The following MFAP5 variants were observed in gnomAD, a reference collection of about 807,000 sequenced individuals.
MFAP5 encodes the protein microfibril associated protein 5, also known as microfibrillar-associated protein 5.
In MFAP5, 19 loss-of-function variants were observed where a neutral mutation model predicts 30.1. The observed-to-expected ratio is 0.63, with a 90% CI of 0.44 to 0.93. MFAP5 has a LOEUF of 0.93. Among genes scored for constraint, MFAP5 ranks in the 40% least tolerant of loss-of-function variants. The pLI, the probability that MFAP5 is intolerant of heterozygous loss-of-function variation, is 0.00. For synonymous variants in MFAP5, 92 were observed against 72.9 expected (o/e 1.26, Z -1.33); for missense variants, 210 against 221.3 (o/e 0.95, Z 0.32).
rs1455909532 is a variant in MFAP5, at chr12:8,660,912, A to G, written c.59-14T>C. On this transcript the variant is annotated splice_polypyrimidine_tract_variant and intron_variant, in intron 2 of 9. Coordinates refer to ENST00000359478, the MANE Select transcript of MFAP5 (RefSeq NM_003480.4). The stretch of plus-strand genomic sequence containing the variant: ...GGGGTATCCAGTCTATAGCAAAGGA[A>G]GAGAAAAGAGATGTGAGTGACTGCA... 5.8e-5 allele frequency: 94 copies of G among 1,607,048 alleles called. No homozygotes were observed. The highest frequency in any genetic ancestry group is 8.0e-5 in the Non-Finnish European group (94 of 1,174,226).
chr12:8,650,904 T>C (rs771201537), intron 7 of MFAP5, among the ~76,000 whole-genome samples: 84 of 152,300 alleles, frequency 5.5e-4, no homozygotes, highest in African/African-American at 1.9e-3. Flanking sequence ...CGGTGGCTCA[T>C]GCTTGTAATT....
chr12:8,653,645 C>G (rs1023928535), intron 6 of MFAP5, among the ~76,000 whole-genome samples: 1 of 152,176 alleles, frequency 6.6e-6, no homozygotes, highest in Non-Finnish European at 1.5e-5. Flanking sequence ...CCCCCAGCAC[C>G]GAACCTAGTC....
chr12:8,657,322 G>A (rs1591573862), intron 3 of MFAP5, among the ~76,000 whole-genome samples: 2 of 152,134 alleles, frequency 1.3e-5, no homozygotes, highest in East Asian at 3.9e-4. Flanking sequence ...TGGAGGCTGA[G>A]GCAGGAGAAT....
At chr12:8,655,337 G>T in intron 5 of MFAP5, 78 bp downstream of exon 5, 1 of 1,249,096 alleles carries the variant, frequency 8.0e-7, no homozygotes, top group Non-Finnish European at 1.1e-6. Flanking sequence ...AGCACAGAAT[G>T]AATTCAAGAG....
intron 7 of MFAP5, among the ~76,000 whole-genome samples, chr12:8,651,097 G>A (rs1941826437): frequency 6.6e-6 from 1 of 152,090 alleles, no homozygotes; most frequent in Non-Finnish European, 1.5e-5. Flanking sequence ...AACCTGGGAG[G>A]CGGAGGTTGC....
chr12:8,649,669 T>A, intron 8 of MFAP5, 95 bp from the exon 9 acceptor site: 1 of 869,674 alleles, frequency 1.1e-6, no homozygotes, highest in African/African-American at 1.7e-5. Context: ...TCAACTCTCA[T>A]ATTCCCCACT....
intron 9 of MFAP5, among the ~76,000 whole-genome samples, chr12:8,648,979 A>G (rs932295006): frequency 6.6e-5 from 10 of 152,198 alleles, no homozygotes; most frequent in African/African-American, 2.4e-4. Context: ...GAAATGTCAC[A>G]GTAAGAAATG....
At chr12:8,655,969 T>G (rs1232276810) in intron 3 of MFAP5, 139 bp from the exon 4 acceptor site, 3 of 699,588 alleles carry the variant, frequency 4.3e-6, no homozygotes, top group Admixed American at 2.2e-5. Flanking sequence ...CTGCTTACAA[T>G]AATGACAAAC....
At chr12:8,655,650 G>C (rs1310799842) in intron 4 of MFAP5, 136 bp downstream of exon 4, 1 of 1,077,406 alleles carries the variant, frequency 9.3e-7, no homozygotes, top group Non-Finnish European at 1.3e-6. Context: ...GGCATCTAAG[G>C]TGACAACAGA....
chr12:8,649,482 C>T lies in MFAP5; in HGVS notation c.409+19G>A. ...CTCATAACTGCTTCTCTCCATTAAA[C>T]ATCCAGACATCATCTTACCTTTCAT... On this transcript the variant is annotated intron_variant, in intron 9 of 9. Transcript: ENST00000359478. 6.2e-7 allele frequency: 1 copy of T among 1,608,854 alleles called. No homozygotes were observed. Among genetic ancestry groups the T allele is most frequent in the African/African-American group, 1.3e-5 (1 of 74,948 alleles).
In MFAP5 at chr12:8,650,544, T is replaced by C. The variant is rs754191345; in HGVS notation, c.293A>G (p.His98Arg). 1.9e-6 allele frequency: 3 copies of C among 1,613,972 alleles called. No individual in the cohort carries two copies. The highest frequency in any genetic ancestry group is 1.1e-5 in the South Asian group (1 of 91,086). The stretch of plus-strand genomic sequence containing the variant: ...ATGAATGCATTGTTTAACCGGCCGA[T>C]GCACAGAGTAGAGCCTTGTGCAGGT... ...KFTCTRLYSVHRPVKQCIHQL... is the reference protein window; with the variant it reads ...KFTCTRLYSVRRPVKQCIHQL... The change falls in exon 8 of 10, where the codon CAT becomes CGT. Residue 98 changes from histidine (H) to arginine (R), a missense_variant. By Grantham distance (29) the His-to-Arg change is conservative (BLOSUM62 0). Coordinates refer to ENST00000359478, the MANE Select transcript of MFAP5 (RefSeq NM_003480.4).
At chr12:8,657,662 T>C (rs1942044131) in intron 3 of MFAP5, among the ~76,000 whole-genome samples, 1 of 138,940 alleles carries the variant, frequency 7.2e-6, no homozygotes, top group African/African-American at 2.7e-5. Context: ...AACCTCCGCC[T>C]CCCAGGTTCA....
At chr12:8,653,888 G>C (rs780954041) in intron 6 of MFAP5, among the ~76,000 whole-genome samples, 2 of 152,122 alleles carry the variant, frequency 1.3e-5, no homozygotes, top group African/African-American at 2.4e-5. Context: ...ACTTTGGGAG[G>C]CCGAGGCAGG....
At chr12:8,649,226 G>A (rs1037202869) in intron 9 of MFAP5, among the ~76,000 whole-genome samples, 2 of 152,162 alleles carry the variant, frequency 1.3e-5, no homozygotes, top group Admixed American at 6.5e-5. Context: ...AATAGCCAGA[G>A]TGTCAGAAAG....
At chr12:8,661,261 C>T (rs187491408) in intron 2 of MFAP5, among the ~76,000 whole-genome samples, 2 of 152,260 alleles carry the variant, frequency 1.3e-5, no homozygotes, top group African/African-American at 4.8e-5. Flanking sequence ...TCCCCGCTAG[C>T]TATGCTAGTG....
chr12:8,660,749 CTT>C (rs35362262), intron 3 of MFAP5, 112 bp downstream of exon 3: 16,017 of 630,638 alleles, frequency 0.025, no homozygotes, highest in South Asian at 0.031. Context: ...AGGAAATATT[CTT>C]TTTTTTTTTT....
At chr12:8,649,338 G>A (rs1267859119) in intron 9 of MFAP5, among the ~76,000 whole-genome samples, 163 bp downstream of exon 9, 2 of 152,100 alleles carry the variant, frequency 1.3e-5, no homozygotes. Context: ...ACTGCTTTAT[G>A]TAGATTGTTT....
At chr12:8,652,591 G>A (rs1565523825) in intron 6 of MFAP5, among the ~76,000 whole-genome samples, 1 of 152,130 alleles carries the variant, frequency 6.6e-6, no homozygotes, top group Admixed American at 6.6e-5. Flanking sequence ...GAGTTACCAG[G>A]AAAAATGTCA....
intron 8 of MFAP5, among the ~76,000 whole-genome samples, chr12:8,649,914 C>T (rs936128387): frequency 2.0e-5 from 3 of 152,150 alleles, no homozygotes; most frequent in African/African-American, 7.2e-5. Flanking sequence ...AATGTGTAGC[C>T]TTTATCCCTC....
Sources: gnomAD v4.1 joint callset for allele counts (sites outside exome capture counted in the v4.1 genomes callset) on GRCh38, gnomAD v4.1.1 for gene constraint, MANE v1.5 for transcripts, NCBI Gene and HGNC (gene_info 2026-07-23, HGNC 2026-07-21) for gene names.